WDR93: variants seen among roughly 807,000 people sequenced by gnomAD.
WDR93 encodes the protein WD repeat-containing protein 93.
Under a neutral mutation model 82.9 loss-of-function variants are expected in WDR93, and 73 were observed. The ratio of observed to expected loss-of-function variants is 0.88; its 90% CI spans 0.73 to 1.07. The LOEUF (loss-of-function observed/expected upper bound fraction) is 1.07, where lower values mean the gene tolerates loss of function less well. Ranked by LOEUF, WDR93 falls within the 50% of genes least tolerant of loss-of-function variation. The pLI is 0.00. For synonymous variants in WDR93, 283 were observed against 300.1 expected (o/e 0.94, Z 0.59); for missense variants, 738 against 826.0 (o/e 0.89, Z 1.31).
intron 7 of WDR93, chr15:89,721,175 G>A (rs1347519769): frequency 6.6e-6 from 1 of 152,014 alleles, no homozygotes; most frequent in East Asian, 1.9e-4. Context: ...ATCTTTTTCT[G>A]TACTTTTATT....
Position 89,737,493 on chromosome 15 carries a change from A to G in WDR93, c.1609-80A>G, listed in dbSNP as rs1223516618. On this transcript the variant is annotated intron_variant, in intron 14 of 16. Coordinates refer to ENST00000268130, the MANE Select transcript of WDR93 (RefSeq NM_020212.2). ...TGTCCAGCTGCTTCTCTCATTCCTTACTGGGGTGACCTCTACACGACCTTC... is the reference window on the plus strand; with the variant it reads ...TGTCCAGCTGCTTCTCTCATTCCTTGCTGGGGTGACCTCTACACGACCTTC... The G allele has an allele frequency of 3.2e-6, 5 of 1,561,652 alleles. No individual in the cohort carries two copies. The African/African-American group carries it at 4.1e-5, about 13-fold the overall frequency.
Position 89,723,783 on chromosome 15 carries a change from G to C in WDR93, c.880+1644G>C, listed in dbSNP as rs549187594. On this transcript the variant is annotated intron_variant, in intron 8 of 16. Transcript: ENST00000268130. ...GCCATTTCAATAAGTGGTGGTGGCT[G>C]TTTATGTGGAGACAAAAATAAAACT... 2.6e-5 allele frequency among the ~76,000 whole-genome samples: 4 copies of C among 152,336 alleles called. No homozygotes were observed. In the South Asian group the frequency reaches 8.3e-4, roughly 32 times the overall value.
At chr15:89,705,146 G>A (rs570129051) in intron 3 of WDR93, 1 of 196,460 alleles carries the variant, frequency 5.1e-6, no homozygotes, top group Non-Finnish European at 1.0e-5. Context: ...GGAACAGTGA[G>A]CTATGATCTT....
Position 89,739,653 on chromosome 15 carries a change from G to C in WDR93, c.1961+1417G>C, listed in dbSNP as rs564029135. Among the ~76,000 whole-genome samples the C allele has an allele frequency of 9.9e-5, 15 of 152,266 alleles. No individual in the cohort carries two copies. In the East Asian group the frequency reaches 2.5e-3, roughly 25 times the overall value. On this transcript the variant is annotated intron_variant, in intron 16 of 16. Transcript: ENST00000268130. ...GACCACACATTTCGGGTGGACTGGG[G>C]TCATCAGTGGAGTCCTGGATCCTCG...
At chr15:89,712,396 CTTTTTTT>C (rs1170109589) in intron 5 of WDR93, among the ~76,000 whole-genome samples, 5 of 80,534 alleles carry the variant, frequency 6.2e-5, no homozygotes, top group Non-Finnish European at 8.8e-5. Flanking sequence ...TTCCACTAAT[CTTTTTTT>C]TTTTTTTTTT....
At chr15:89,741,141 A>AG (rs1443088846) in intron 16 of WDR93, among the ~76,000 whole-genome samples, 2 of 151,760 alleles carry the variant, frequency 1.3e-5, no homozygotes, top group African/African-American at 4.9e-5. Context: ...ATCTGTCTCA[A>AG]AAAAAATAAA....
intron 6 of WDR93, among the ~76,000 whole-genome samples, chr15:89,715,574 T>G (rs1278460573): frequency 6.6e-6 from 1 of 152,102 alleles, no homozygotes; most frequent in Non-Finnish European, 1.5e-5. Context: ...TGACTGGGCC[T>G]TGTGCTGTTT....
intron 3 of WDR93, chr15:89,705,251 A>T (rs906067406): frequency 2.7e-5 from 10 of 364,406 alleles, no homozygotes; most frequent in African/African-American, 1.9e-4. Context: ...TGGTGTGCTC[A>T]ATCAGGCAGA....
At position 89,729,746 on chromosome 15, in the gene WDR93, A is replaced by C. The variant is rs776223141; in HGVS notation, c.1187A>C (p.Asn396Thr). ...CACAATTTCTTCCTGTATTCACTAA[A>C]CCGAACTCTAAAGGATAAAGCTGGT... ...RSHNFFLYSL[N>T]RTLKDKADPE... The change falls in exon 11 of 17, where the codon AAC (asparagine) becomes ACC (threonine). Residue 396 changes from asparagine (N) to threonine (T), a missense_variant. Transcript: ENST00000268130. The C allele has an allele frequency of 1.2e-6, 2 of 1,613,468 alleles. No individual in the cohort carries two copies. The highest frequency in any genetic ancestry group is 4.5e-5 in the East Asian group (2 of 44,826).
At chr15:89,704,269 A>G (rs1965624407) in intron 3 of WDR93, 1 of 152,204 alleles carries the variant, frequency 6.6e-6, no homozygotes, top group Non-Finnish European at 1.5e-5. Context: ...CGGAGATTAC[A>G]GTGAGCTGAG....
intron 8 of WDR93, 96 bp downstream of exon 8, chr15:89,722,235 A>C (rs991210574): frequency 9.7e-7 from 1 of 1,035,746 alleles, no homozygotes; most frequent in Non-Finnish European, 1.4e-6. Context: ...TAGCAACGAT[A>C]TCAAAATTAC....
At chr15:89,705,699 G>A (rs1191274111) in intron 4 of WDR93, 81 bp downstream of exon 4, 10 of 945,406 alleles carry the variant, frequency 1.1e-5, no homozygotes, top group Non-Finnish European at 1.7e-5. Flanking sequence ...AGCAATGATA[G>A]CTGGCCTAGA....
At chr15:89,703,359 G>A (rs1965566990) in intron 3 of WDR93, 1 of 573,352 alleles carries the variant, frequency 1.7e-6, no homozygotes, top group Non-Finnish European at 3.0e-6. Context: ...GCCTTAGGGG[G>A]GAAGTAAAAT....
rs750942533 is a variant in WDR93 at position 89,729,670 on chromosome 15, GCC to G, written c.1124-7_1124-6del. On this transcript the variant is annotated splice_polypyrimidine_tract_variant and intron_variant, in intron 10 of 16. Transcript: ENST00000268130. ...AACACCCATTTTCTGTCTTTCCCCC[GCC>G]CCCCCACCAGGAATGGCCTGTGTCC... The G allele has an allele frequency of 6.2e-7, 1 of 1,602,296 alleles. No homozygotes were observed. Among genetic ancestry groups the G allele is most frequent in the African/African-American group, 1.4e-5 (1 of 72,970 alleles).
intron 1 of WDR93, among the ~76,000 whole-genome samples, chr15:89,698,794 AAAT>A (rs1314698972): frequency 3.3e-5 from 5 of 152,182 alleles, no homozygotes; most frequent in Non-Finnish European, 7.3e-5. Context: ...AAAGAGATTT[AAAT>A]AATAAGAAAA....
At chr15:89,707,964 A>G (rs1226969239) in intron 4 of WDR93, among the ~76,000 whole-genome samples, 1 of 152,278 alleles carries the variant, frequency 6.6e-6, no homozygotes, top group Non-Finnish European at 1.5e-5. Flanking sequence ...TTCAATAAAA[A>G]GGAGTGAACT....
intron 16 of WDR93, among the ~76,000 whole-genome samples, chr15:89,740,033 C>T (rs775192299): frequency 6.6e-6 from 1 of 152,170 alleles, no homozygotes; most frequent in African/African-American, 2.4e-5. Context: ...TCAAAAAACA[C>T]ATATTGTGCA....
At chr15:89,692,715 T>G (rs1281229067) in intron 1 of WDR93, among the ~76,000 whole-genome samples, 1 of 152,234 alleles carries the variant, frequency 6.6e-6, no homozygotes, top group African/African-American at 2.4e-5. Flanking sequence ...GTTCAAGCGA[T>G]TCTCCTGCTT....
In WDR93 at chr15:89,715,079, T is replaced by C. The variant is rs925465812; in HGVS notation, c.740T>C (p.Val247Ala). Residue 247 changes from valine to alanine, a missense_variant, in exon 6 of 17, where the codon GTC becomes GCC. Transcript: ENST00000268130. The stretch of plus-strand genomic sequence containing the variant: ...CTCACTTCAAATCCAAAGAAAAAAG[T>C]CAGACAGCCGCAACTGGTAGGAAAT... ...PQLTSNPKKK[V>A]RQPQLNSLGP... 1.2e-6 allele frequency: 2 copies of C among 1,613,732 alleles called. No homozygotes were observed. The highest frequency in any genetic ancestry group is 1.7e-6 in the Non-Finnish European group (2 of 1,179,892).
Sources: gnomAD v4.1 joint callset for allele counts (sites outside exome capture counted in the v4.1 genomes callset) on GRCh38, gnomAD v4.1.1 for gene constraint, MANE v1.5 for transcripts, NCBI Gene and HGNC (gene_info 2026-07-23, HGNC 2026-07-21) for gene names.